The following LAMB1 variants were observed in gnomAD, a reference collection of about 807,000 sequenced individuals.
LAMB1 encodes laminin subunit beta 1.
In LAMB1, 121 loss-of-function variants were observed where a neutral mutation model predicts 222.3. The ratio of observed to expected loss-of-function variants is 0.54; its 90% confidence interval spans 0.47 to 0.63. The LOEUF (loss-of-function observed/expected upper bound fraction) is 0.63. Among genes scored for constraint, LAMB1 ranks in the 30% least tolerant of loss-of-function variants. The pLI is 0.00. For missense variants in LAMB1, 2,172 were observed against 2,240.8 expected, an observed-to-expected ratio of 0.97 and a Z score of 0.62; for synonymous variants, 794 against 807.2, an observed-to-expected ratio of 0.98 and a Z score of 0.28.
At chr7:107,944,330 A>G (rs992330997) in intron 24 of LAMB1, among the ~76,000 whole-genome samples, 1 of 152,202 alleles carries the variant, frequency 6.6e-6, no homozygotes, top group African/African-American at 2.4e-5. Flanking sequence ...TAAAAGGCAG[A>G]TAAGGCTTCC....
chr7:108,002,434 C>A, intron 2 of LAMB1: 1 of 1,308,498 alleles, frequency 7.6e-7, no homozygotes. Context: ...GCCACATGGC[C>A]CCCATCTGTT....
At chr7:107,989,746 G>A (rs2034145486) in intron 5 of LAMB1, among the ~76,000 whole-genome samples, 1 of 152,174 alleles carries the variant, frequency 6.6e-6, no homozygotes, top group African/African-American at 2.4e-5. Flanking sequence ...AGAGGGGAAG[G>A]TCTAATCGGA....
chr7:107,937,896 C>T lies in LAMB1; in HGVS notation c.3762-619G>A, dbSNP rs2032885136. On this transcript the variant is annotated intron_variant, in intron 25 of 33. Coordinates refer to ENST00000222399, the MANE Select transcript of LAMB1 (RefSeq NM_002291.3). ...ATGAAATAAGAAGATTTAGCTTTCA[C>T]AGTATTTAATTTGGAATCTAAACTG... Among the ~76,000 whole-genome samples the T allele has an allele frequency of 5.3e-5, 8 of 152,276 alleles. 1 individual carries two copies. The highest frequency in any genetic ancestry group is 5.2e-4 in the Admixed American group (8 of 15,296).
chr7:108,000,306 T>C lies in LAMB1; in HGVS notation c.213+1252A>G, dbSNP rs534545374. On this transcript the variant is annotated intron_variant, in intron 3 of 33. Coordinates refer to ENST00000222399, the MANE Select transcript of LAMB1 (RefSeq NM_002291.3). ...CTGGAAGCAAATGAACGGAATCCAC[T>C]TTACCACATTCCTTTGGTCTAATTG... 3.9e-5 allele frequency among the ~76,000 whole-genome samples: 6 copies of C among 152,300 alleles called. No individual in the cohort carries two copies. The South Asian group carries it at 1.2e-3, about 32-fold the overall frequency.
intron 22 of LAMB1, 48 bp from the exon 23 acceptor site, chr7:107,952,271 A>G: frequency 7.1e-7 from 1 of 1,399,530 alleles, no homozygotes; most frequent in South Asian, 1.3e-5. Flanking sequence ...CCAAATACAC[A>G]GGCATGCGGA....
chr7:107,937,315 A>G, intron 25 of LAMB1, 38 bp from the exon 26 acceptor site: 1 of 1,540,820 alleles, frequency 6.5e-7, no homozygotes. Flanking sequence ...CATAAAATAA[A>G]CCCAAGGGAG....
At chr7:107,980,838 A>T in intron 7 of LAMB1, 27 bp from the exon 8 acceptor site, 2 of 1,442,674 alleles carry the variant, frequency 1.4e-6, no homozygotes, top group Non-Finnish European at 1.9e-6. Flanking sequence ...GAAGATGAAA[A>T]GTCTGATCAG....
At chr7:107,925,912 AAG>A (rs1167101157) in intron 32 of LAMB1, among the ~76,000 whole-genome samples, 6 of 145,508 alleles carry the variant, frequency 4.1e-5, no homozygotes, top group African/African-American at 1.7e-4. Flanking sequence ...AAAAAAAAAA[AAG>A]CCTGTTTTGA....
intron 31 of LAMB1, among the ~76,000 whole-genome samples, chr7:107,928,376 A>C (rs942626495): frequency 1.3e-5 from 2 of 152,206 alleles, no homozygotes; most frequent in African/African-American, 4.8e-5. Context: ...TTGATGACCA[A>C]AATCTTGAGA....
rs938580833 is a variant in LAMB1, at chr7:107,934,390, C to T, written c.4188+1025G>A. Among the ~76,000 whole-genome samples the T allele has an allele frequency of 7.2e-5, 11 of 152,272 alleles. No homozygotes were observed. In the East Asian group the frequency reaches 2.1e-3, roughly 29 times the overall value. Reference sequence around the variant, plus strand: ...TCTCTGTGTCTCTGGGCTAAGAGAACACAAACCTTAGTCTATAAAAAATAC... The same window carrying T: ...TCTCTGTGTCTCTGGGCTAAGAGAATACAAACCTTAGTCTATAAAAAATAC... On this transcript the variant is annotated intron_variant, in intron 27 of 33. Coordinates refer to ENST00000222399, the MANE Select transcript of LAMB1 (RefSeq NM_002291.3).
intron 5 of LAMB1, among the ~76,000 whole-genome samples, chr7:107,987,632 C>G (rs2034104596): frequency 1.3e-5 from 2 of 152,170 alleles, no homozygotes; most frequent in African/African-American, 4.8e-5. Flanking sequence ...TCCCGAGTAG[C>G]TGGGATTACA....
At chr7:107,932,413 A>C (rs756682942) in intron 27 of LAMB1, 36 bp from the exon 28 acceptor site, 2 of 1,604,790 alleles carry the variant, frequency 1.2e-6, no homozygotes, top group Non-Finnish European at 1.7e-6. Flanking sequence ...AATACTTCGG[A>C]TAGTGAATCT....
At chr7:107,929,796 C>T (rs2032661992) in intron 29 of LAMB1, 177 bp from the exon 30 acceptor site, 1 of 609,038 alleles carries the variant, frequency 1.6e-6, no homozygotes, top group Admixed American at 2.9e-5. Context: ...ATGAGACCTA[C>T]ACACACAAAA....
At chr7:107,974,485 T>C (rs737954) in intron 12 of LAMB1, among the ~76,000 whole-genome samples, 70,045 of 151,752 alleles carry the variant, frequency 0.46, 16,558 homozygotes, top group East Asian at 0.74. Flanking sequence ...TGTTTCCAAG[T>C]CTTCTGCTAT....
At chr7:107,937,374 TC>T (rs2032873040) in intron 25 of LAMB1, 97 bp from the exon 26 acceptor site, 2 of 866,614 alleles carry the variant, frequency 2.3e-6, no homozygotes, top group East Asian at 4.9e-5. Flanking sequence ...ATTACTAATT[TC>T]AAACCAATTC....
intron 7 of LAMB1, among the ~76,000 whole-genome samples, chr7:107,983,459 G>C (rs1174357037): frequency 1.3e-5 from 2 of 151,150 alleles, no homozygotes; most frequent in African/African-American, 4.9e-5. Context: ...AACATCAACA[G>C]CAACAAATGT....
At chr7:107,962,253 C>CCGT (rs2033521325) in intron 15 of LAMB1, among the ~76,000 whole-genome samples, 1 of 152,310 alleles carries the variant, frequency 6.6e-6, no homozygotes, top group South Asian at 2.1e-4. Flanking sequence ...TGCTGTTACA[C>CCGT]CGTCACCTTC....
intron 24 of LAMB1, chr7:107,942,632 G>GTA (rs1298694482): frequency 6.6e-6 from 1 of 152,132 alleles, no homozygotes; most frequent in Non-Finnish European, 1.5e-5. Flanking sequence ...GTAAGAAGAG[G>GTA]TAATGATTAT....
chr7:107,931,533 C>T (rs754901090), intron 28 of LAMB1, 33 bp from the exon 29 acceptor site: 1 of 1,595,330 alleles, frequency 6.3e-7, no homozygotes, highest in African/African-American at 1.3e-5. Context: ...CCAGGGAAGA[C>T]TTTCATTCTT....
Sources: gnomAD v4.1 joint callset for allele counts (sites outside exome capture counted in the v4.1 genomes callset) on GRCh38, gnomAD v4.1.1 for gene constraint, MANE v1.5 for transcripts, NCBI Gene and HGNC (gene_info 2026-07-23, HGNC 2026-07-21) for gene names.